RIC1: variants seen among roughly 807,000 people sequenced by gnomAD.
The protein encoded by RIC1 is RIC1 partner of RAB6A GEF complex, also known as guanine nucleotide exchange factor subunit RIC1.
Under a neutral mutation model 169.0 loss-of-function variants are expected in RIC1, and 88 were observed. The ratio of observed to expected loss-of-function variants is 0.52; its 90% CI spans 0.44 to 0.62. The LOEUF is 0.62. RIC1 is among the 20% of genes least tolerant of loss of function. RIC1 has a pLI of 0.00. For missense variants in RIC1, 1,877 were observed against 1,725.5 expected (o/e 1.09, Z -1.56); for synonymous variants, 790 against 601.5 (o/e 1.31, Z -4.59).
Position 5,763,631 on chromosome 9 carries a change from A to T in RIC1, c.2604A>T (p.Val868=). 6.2e-7 allele frequency: 1 copy of T among 1,614,178 alleles called. No homozygotes were observed. Among genetic ancestry groups the T allele is most frequent in the Non-Finnish European group, 8.5e-7 (1 of 1,180,024 alleles). The change falls in exon 19 of 26, where the codon GTA becomes GTT. Residue 868 remains valine (V), a synonymous_variant. Transcript: ENST00000414202. The surrounding 1 kb of genome is among the most constrained non-coding windows in gnomAD (Gnocchi z 5.2). ...PHVLELMLHE[V]LEEEATSREP... Reference sequence around the variant, plus strand: ...TGCTGGAGCTCATGCTCCATGAAGTACTGGAAGAAGAAGCTACCTCACGGG... The same window carrying T: ...TGCTGGAGCTCATGCTCCATGAAGTTCTGGAAGAAGAAGCTACCTCACGGG...
rs117881871 is a variant in RIC1 at position 5,763,873 on chromosome 9, C to A, written c.2841+5C>A. On this transcript the variant is annotated splice_donor_5th_base_variant and intron_variant, in intron 19 of 25. Transcript: ENST00000414202. The surrounding 1 kb of genome is among the most constrained non-coding windows in gnomAD (Gnocchi z 5.2). ...TCTTACCTTATTATCTTACAGGTAA[C>A]AATTCTCTTCTTATAAAGGGGCAAG... 0.044 allele frequency: 69,886 copies of A among 1,595,638 alleles called. 1,778 individuals carry two copies. The highest frequency in any genetic ancestry group is 0.051 in the Non-Finnish European group (59,611 of 1,168,404).
intron 2 of RIC1, among the ~76,000 whole-genome samples, chr9:5,678,564 A>C (rs1820600846): frequency 6.6e-6 from 1 of 152,066 alleles, no homozygotes; most frequent in Non-Finnish European, 1.5e-5. Context: ...ATGATATCTC[A>C]TAGTGGCTTT....
In RIC1 at chr9:5,629,398, A is replaced by C; in HGVS notation, c.89A>C (p.Gln30Pro). 6.5e-7 allele frequency: 1 copy of C among 1,533,236 alleles called. No homozygotes were observed. The highest frequency in any genetic ancestry group is 8.7e-7 in the Non-Finnish European group (1 of 1,145,896). 95.0% of individuals were successfully genotyped at this position (1,533,236 alleles called of 1,614,324 possible). Residue 30 changes from glutamine to proline, a missense_variant, in exon 1 of 26, where the codon CAG becomes CCG. By Grantham distance (76) the Gln-to-Pro change is moderately conservative. This residue lies in a region of RIC1 where 1,104 missense variants were observed against 992.0 expected (regional missense o/e 1.11). Coordinates refer to ENST00000414202, the MANE Select transcript of RIC1 (RefSeq NM_020829.4). ...CCTTTCCACGTTCAGTCCGACCCGC[A>C]GAGGGCTTTCTTCGCCGTGCTGGCC... ...EAPFHVQSDP[Q>P]RAFFAVLAAA...
At chr9:5,753,322 G>A in intron 13 of RIC1, 84 bp downstream of exon 13, 1 of 1,204,706 alleles carries the variant, frequency 8.3e-7, no homozygotes, top group Non-Finnish European at 1.2e-6. Flanking sequence ...TTCAGTGGGT[G>A]TACTGAGAAA....
At chr9:5,713,219 G>C (rs1221998551) in intron 3 of RIC1, 1 of 152,208 alleles carries the variant, frequency 6.6e-6, no homozygotes, top group Non-Finnish European at 1.5e-5. Flanking sequence ...AGGCACTGAA[G>C]AAGATACTGG....
At chr9:5,752,901 A>T (rs889929321) in intron 12 of RIC1, among the ~76,000 whole-genome samples, 2 of 152,224 alleles carry the variant, frequency 1.3e-5, no homozygotes, top group African/African-American at 4.8e-5. Flanking sequence ...CTGCCCTCAC[A>T]GGTGCCTTCT....
chr9:5,708,106 C>A (rs1022805794), intron 3 of RIC1, among the ~76,000 whole-genome samples: 1 of 152,000 alleles, frequency 6.6e-6, no homozygotes, highest in Admixed American at 6.6e-5. Context: ...AAATTAACAT[C>A]TTGCATGTAC....
intron 1 of RIC1, among the ~76,000 whole-genome samples, chr9:5,654,613 C>A (rs193276700): frequency 3.2e-4 from 49 of 152,238 alleles, no homozygotes; most frequent in Admixed American, 3.9e-4. Context: ...AGTCTCAGCT[C>A]ACTGCAACCT....
intron 23 of RIC1, among the ~76,000 whole-genome samples, chr9:5,772,268 A>C (rs138095680): frequency 7.5e-4 from 114 of 152,294 alleles, no homozygotes; most frequent in Middle Eastern, 3.4e-3. Flanking sequence ...TATTTCCTGT[A>C]GTAGCTGAAT....
chr9:5,641,116 G>A (rs1818217109), intron 1 of RIC1, among the ~76,000 whole-genome samples: 1 of 149,896 alleles, frequency 6.7e-6, no homozygotes, highest in African/African-American at 2.5e-5. Flanking sequence ...TTTTTGGACG[G>A]GGTCTTGCTC....
intron 23 of RIC1, among the ~76,000 whole-genome samples, chr9:5,771,185 ACT>A (rs1393556468): frequency 1.3e-5 from 2 of 151,938 alleles, no homozygotes; most frequent in African/African-American, 2.4e-5. Flanking sequence ...CAAAACGAAA[ACT>A]CTGTATATGT....
intron 1 of RIC1, among the ~76,000 whole-genome samples, chr9:5,644,686 A>G (rs915768439): frequency 2.2e-4 from 34 of 152,240 alleles, no homozygotes; most frequent in African/African-American, 2.4e-5. Flanking sequence ...CATTGTGAAT[A>G]ATACTCTCAT....
intron 7 of RIC1, among the ~76,000 whole-genome samples, chr9:5,733,801 T>A (rs1457025371): frequency 1.3e-5 from 2 of 151,822 alleles, no homozygotes; most frequent in African/African-American, 4.8e-5. Flanking sequence ...AAAATGTATG[T>A]TCATGAATAC....
intron 7 of RIC1, among the ~76,000 whole-genome samples, chr9:5,732,912 T>C (rs1407188158): frequency 6.6e-6 from 1 of 152,164 alleles, no homozygotes; most frequent in Non-Finnish European, 1.5e-5. Flanking sequence ...GTTTCTTGCC[T>C]TAGTTTATTA....
chr9:5,641,864 T>C (rs1381010161), intron 1 of RIC1, among the ~76,000 whole-genome samples: 1 of 144,478 alleles, frequency 6.9e-6, no homozygotes, highest in Non-Finnish European at 1.5e-5. Flanking sequence ...AACATAGCTA[T>C]TTTGAATTCC....
At chr9:5,650,333 G>C (rs1818734142) in intron 1 of RIC1, among the ~76,000 whole-genome samples, 1 of 152,058 alleles carries the variant, frequency 6.6e-6, no homozygotes, top group African/African-American at 2.4e-5. Flanking sequence ...GTGAGTGGCA[G>C]ACAGGGTGAG....
At chr9:5,662,202 A>G (rs1819492916) in intron 2 of RIC1, among the ~76,000 whole-genome samples, 2 of 152,048 alleles carry the variant, frequency 1.3e-5, no homozygotes. Context: ...TGATGGATAA[A>G]CTTTTTGATG....
chr9:5,635,498 C>T (rs151304525), intron 1 of RIC1, among the ~76,000 whole-genome samples: 64 of 152,162 alleles, frequency 4.2e-4, no homozygotes, highest in South Asian at 2.9e-3. Context: ...TATATGCATG[C>T]GTGGTTTTAT....
chr9:5,702,806 C>T (rs945473274), intron 3 of RIC1, among the ~76,000 whole-genome samples: 1 of 152,168 alleles, frequency 6.6e-6, no homozygotes, highest in South Asian at 2.1e-4. Flanking sequence ...CTTGGCCTCC[C>T]AAAGTGCTAG....
Sources: gnomAD v4.1 joint callset for allele counts (sites outside exome capture counted in the v4.1 genomes callset) on GRCh38, gnomAD v4.1.1 for gene constraint, gnomAD v4.1.1 regional missense constraint, Gnocchi (gnomAD v3.1) non-coding constraint, MANE v1.5 for transcripts, NCBI Gene and HGNC (gene_info 2026-07-23, HGNC 2026-07-21) for gene names.